The following TMEM45A variants were observed in gnomAD, a reference collection of about 807,000 sequenced individuals.
The protein encoded by TMEM45A is DNA polymerase-transactivated protein 4.
TMEM45A carries 25 observed loss-of-function variants against 32.0 expected under a neutral mutation model. That is an observed-to-expected ratio of 0.78 (90% CI 0.57 to 1.09). The LOEUF (loss-of-function observed/expected upper bound fraction) is 1.09. Ranked by LOEUF, TMEM45A falls within the 50% of genes least tolerant of loss-of-function variation. The pLI is 0.00. For missense variants in TMEM45A, 302 were observed against 325.0 expected, an observed-to-expected ratio of 0.93 and a Z score of 0.54; for synonymous variants, 122 against 114.8, an observed-to-expected ratio of 1.06 and a Z score of -0.40.
At position 100,555,494 on chromosome 3, in the gene TMEM45A, A is replaced by G. The variant is rs1342573468; in HGVS notation, c.190+93A>G. The G allele has an allele frequency of 9.3e-5, 120 of 1,295,496 alleles. No homozygotes were observed. The Admixed American group carries it at 2.3e-3, about 24-fold the overall frequency. The allele number at this position is 1,295,496 out of a possible 1,614,324, so 80.3% of individuals were successfully genotyped here. On this transcript the variant is annotated intron_variant, in intron 2 of 5. Transcript: ENST00000323523. ...GAGCTTCTGAAATAATTTTATATCA[A>G]TTGTTCTGATCTCTGAAAGAATAAA...
chr3:100,509,970 G>A lies in TMEM45A; in HGVS notation c.-4+17042G>A, dbSNP rs192965497. Among the ~76,000 whole-genome samples, 162 of 152,306 alleles carry A rather than the reference G, an allele frequency of 1.1e-3. 1 individual carries two copies. The highest frequency in any genetic ancestry group is 3.6e-3 in the African/African-American group (149 of 41,578). On this transcript the variant is annotated intron_variant, in intron 1 of 5. Coordinates refer to ENST00000323523, the MANE Select transcript of TMEM45A (RefSeq NM_018004.3). ...CCACGCATGGCTCGGAGGGTCCTAC[G>A]CCCACGGAGTCTTGCTGATTGCTAG...
At chr3:100,510,869 A>T (rs1333605805) in intron 1 of TMEM45A, among the ~76,000 whole-genome samples, 1 of 152,264 alleles carries the variant, frequency 6.6e-6, no homozygotes. Flanking sequence ...AAGAAAGGTT[A>T]TCAGCAGTGG....
chr3:100,562,659 C>G (rs931353443), intron 4 of TMEM45A, among the ~76,000 whole-genome samples: 3 of 152,196 alleles, frequency 2.0e-5, no homozygotes, highest in Admixed American at 6.5e-5. Flanking sequence ...TTAGACCAAC[C>G]TGAATCTGTA....
intron 1 of TMEM45A, among the ~76,000 whole-genome samples, chr3:100,533,154 C>T (rs534194484): frequency 2.0e-3 from 308 of 152,018 alleles, no homozygotes; most frequent in African/African-American, 7.0e-3. Context: ...ATGCAGTTGG[C>T]GAGGTCAACC....
At chr3:100,572,227 G>A (rs2148997415) in intron 5 of TMEM45A, 1 of 152,174 alleles carries the variant, frequency 6.6e-6, no homozygotes, top group South Asian at 2.1e-4. Context: ...CAGTGTAAAA[G>A]TGTTCCTATT....
At chr3:100,551,010 CTTTTTTTTTTTT>C in intron 1 of TMEM45A, among the ~76,000 whole-genome samples, 1 of 119,628 alleles carries the variant, frequency 8.4e-6, no homozygotes, top group East Asian at 2.3e-4. Flanking sequence ...GGGTGAACTG[CTTTTTTTTTTTT>C]TTTTTTTTTG....
intron 1 of TMEM45A, among the ~76,000 whole-genome samples, chr3:100,495,823 T>A (rs1315794294): frequency 1.3e-5 from 2 of 152,162 alleles, no homozygotes; most frequent in Non-Finnish European, 2.9e-5. Flanking sequence ...CTACTTTTTG[T>A]TAACAGGCCA....
chr3:100,559,079 A>G (rs997622105), intron 4 of TMEM45A, among the ~76,000 whole-genome samples: 2 of 152,250 alleles, frequency 1.3e-5, no homozygotes, highest in Non-Finnish European at 2.9e-5. Context: ...CAAGTCTCAT[A>G]CAATAACAGA....
chr3:100,549,833 C>T (rs1205426440), intron 1 of TMEM45A, among the ~76,000 whole-genome samples: 4 of 151,566 alleles, frequency 2.6e-5, no homozygotes, highest in Non-Finnish European at 4.4e-5. Flanking sequence ...GTTTTTTGTT[C>T]TTGCGATAGT....
chr3:100,549,955 A>T (rs1706058452), intron 1 of TMEM45A, among the ~76,000 whole-genome samples: 1 of 145,970 alleles, frequency 6.9e-6, no homozygotes, highest in Admixed American at 7.0e-5. Context: ...CATTTTCTTA[A>T]TCCAGTCTAT....
At chr3:100,543,498 C>T (rs1705927043) in intron 1 of TMEM45A, among the ~76,000 whole-genome samples, 1 of 152,042 alleles carries the variant, frequency 6.6e-6, no homozygotes, top group Admixed American at 6.6e-5. Context: ...TTTCCTCATG[C>T]CCTCACCAAC....
chr3:100,560,354 C>T (rs1228357713), intron 4 of TMEM45A, among the ~76,000 whole-genome samples: 2 of 151,670 alleles, frequency 1.3e-5, no homozygotes, highest in East Asian at 1.9e-4. Flanking sequence ...TTTGTCTGCA[C>T]ACTGCTAGAG....
At chr3:100,530,438 C>T (rs765391066) in intron 1 of TMEM45A, among the ~76,000 whole-genome samples, 23 of 152,176 alleles carry the variant, frequency 1.5e-4, no homozygotes, top group Non-Finnish European at 2.4e-4. Context: ...GCCCCTCCAG[C>T]CTCCATTCAC....
intron 4 of TMEM45A, among the ~76,000 whole-genome samples, chr3:100,559,694 A>G (rs909391018): frequency 5.3e-5 from 8 of 152,236 alleles, no homozygotes; most frequent in African/African-American, 1.7e-4. Flanking sequence ...AAATAGACGG[A>G]AAACATTTTA....
At chr3:100,522,335 AC>A (rs762448871) in intron 1 of TMEM45A, among the ~76,000 whole-genome samples, 71 of 152,182 alleles carry the variant, frequency 4.7e-4, no homozygotes, top group Non-Finnish European at 8.4e-4. Context: ...TCTGGATTGC[AC>A]CTTTGTTGAC....
chr3:100,514,594 A>T (rs1214765266), intron 1 of TMEM45A, among the ~76,000 whole-genome samples: 1 of 152,106 alleles, frequency 6.6e-6, no homozygotes, highest in African/African-American at 2.4e-5. Flanking sequence ...AAACACCAAA[A>T]GCAATGGCAA....
rs766579979 is a variant in TMEM45A at position 100,506,094 on chromosome 3, G to T, written c.-4+13166G>T. 1.2e-4 allele frequency among the ~76,000 whole-genome samples: 19 copies of T among 152,150 alleles called. No individual in the cohort carries two copies. The East Asian group carries it at 1.3e-3, about 11-fold the overall frequency. On this transcript the variant is annotated intron_variant, in intron 1 of 5. Transcript: ENST00000323523. ...CTGGAGACCTGGGGGCCAAGCTTGT[G>T]GGGGGAAGAGAACAGAGCCTGGCTC...
At chr3:100,541,984 T>A (rs760222743) in intron 1 of TMEM45A, among the ~76,000 whole-genome samples, 16 of 152,148 alleles carry the variant, frequency 1.1e-4, no homozygotes, top group Non-Finnish European at 1.8e-4. Flanking sequence ...ATTTCTGTGT[T>A]CTCTATTTTG....
At chr3:100,536,797 G>T (rs898014245) in intron 1 of TMEM45A, among the ~76,000 whole-genome samples, 1 of 152,192 alleles carries the variant, frequency 6.6e-6, no homozygotes, top group Non-Finnish European at 1.5e-5. Context: ...TGGATAGATG[G>T]TTGGGCTGAT....
Sources: gnomAD v4.1 joint callset for allele counts (sites outside exome capture counted in the v4.1 genomes callset) on GRCh38, gnomAD v4.1.1 for gene constraint, MANE v1.5 for transcripts, NCBI Gene and HGNC (gene_info 2026-07-23, HGNC 2026-07-21) for gene names.